The following BIRC6 variants were observed in gnomAD, a reference collection of about 807,000 sequenced individuals.
BIRC6 encodes the protein dual E2 ubiquitin-conjugating enzyme/E3 ubiquitin-protein ligase BIRC6.
Under a neutral mutation model 503.3 loss-of-function variants are expected in BIRC6, and 98 were observed. That is an observed-to-expected ratio of 0.19 (90% confidence interval 0.17 to 0.23). BIRC6 has a LOEUF of 0.23. BIRC6 is among the 10% of genes least tolerant of loss of function. The pLI is 1.00. For missense variants in BIRC6, 5,360 were observed against 5,806.0 expected (o/e 0.92, Z 2.50); for synonymous variants, 2,240 against 2,078.7 (o/e 1.08, Z -2.11).
intron 1 of BIRC6, among the ~76,000 whole-genome samples, chr2:32,358,662 A>G (rs1313906967): frequency 6.6e-6 from 1 of 152,264 alleles, no homozygotes; most frequent in Non-Finnish European, 1.5e-5. Context: ...CTATGTGAGT[A>G]ATAAGGCATT....
chr2:32,489,566 C>T (rs2149313178), intron 42 of BIRC6, among the ~76,000 whole-genome samples: 1 of 152,170 alleles, frequency 6.6e-6, no homozygotes, highest in South Asian at 2.1e-4. Flanking sequence ...AAAACCAGCA[C>T]TTTGAGAGGC....
intron 65 of BIRC6, among the ~76,000 whole-genome samples, chr2:32,560,847 A>G (rs527456609): frequency 2.0e-5 from 3 of 151,334 alleles, no homozygotes; most frequent in African/African-American, 7.3e-5. Flanking sequence ...GGGATTGCAT[A>G]CATAAGCCAC....
intron 26 of BIRC6, among the ~76,000 whole-genome samples, chr2:32,467,277 A>G (rs928517905): frequency 1.2e-4 from 19 of 152,224 alleles, no homozygotes; most frequent in African/African-American, 4.3e-4. Context: ...GACTAGAGGC[A>G]CTTGCCACTG....
rs536154181 is a variant in BIRC6, at chr2:32,614,570, A to G, written c.14394+2988A>G. Among the ~76,000 whole-genome samples the G allele has an allele frequency of 3.5e-4, 54 of 152,354 alleles. No homozygotes were observed. In the South Asian group the frequency reaches 0.011, roughly 30 times the overall value. ...TGGCCAGGCGCAGTGACTCACGCCT[A>G]TAATCCCAACACTTTGGGAGGCCAA... On this transcript the variant is annotated intron_variant, in intron 73 of 73. Coordinates refer to ENST00000421745, the MANE Select transcript of BIRC6 (RefSeq NM_016252.4).
intron 23 of BIRC6, among the ~76,000 whole-genome samples, chr2:32,462,872 C>G (rs1449548796): frequency 6.6e-6 from 1 of 151,418 alleles, no homozygotes; most frequent in East Asian, 1.9e-4. Context: ...ACAAGAATCT[C>G]TTGAACCCAG....
intron 49 of BIRC6, 55 bp from the exon 50 acceptor site, chr2:32,504,950 C>G (rs937977999): frequency 1.4e-6 from 2 of 1,436,134 alleles, no homozygotes; most frequent in East Asian, 4.9e-5. Flanking sequence ...GATTTTAAAG[C>G]TTTATTATGT....
intron 66 of BIRC6, among the ~76,000 whole-genome samples, chr2:32,578,212 A>C (rs944752068): frequency 5.9e-5 from 9 of 152,152 alleles, no homozygotes; most frequent in Non-Finnish European, 1.2e-4. Flanking sequence ...AGTAAAATCT[A>C]TTCTTTTCCA....
chr2:32,447,179 G>A (rs2046082515), intron 21 of BIRC6, among the ~76,000 whole-genome samples: 1 of 149,788 alleles, frequency 6.7e-6, no homozygotes, highest in African/African-American at 2.5e-5. Flanking sequence ...GCAACCATCC[G>A]ATTTCTCAAT....
intron 23 of BIRC6, among the ~76,000 whole-genome samples, chr2:32,460,096 T>G (rs1166858353): frequency 1.4e-5 from 2 of 147,340 alleles, no homozygotes; most frequent in African/African-American, 4.9e-5. Flanking sequence ...TGTTGTTGAA[T>G]AGAAATGGTA....
intron 66 of BIRC6, among the ~76,000 whole-genome samples, chr2:32,584,650 T>C (rs2060908841): frequency 2.0e-5 from 3 of 152,224 alleles, no homozygotes; most frequent in African/African-American, 4.8e-5. Context: ...AATAATAGTT[T>C]GAATGAAAAT....
rs757913841 is a variant in BIRC6 at position 32,487,794 on chromosome 2, A to T, written c.7961A>T (p.His2654Leu). The T allele has an allele frequency of 6.2e-7, 1 of 1,608,530 alleles. No individual in the cohort carries two copies. The highest frequency in any genetic ancestry group is 1.1e-5 in the South Asian group (1 of 90,930). ...CTTTTTTCCATGCTTCAAGTCCATC[A>T]TGTTCAGGTATGACTTCAGGAGAAA... ...NKLFSMLQVH[H>L]VQLESLLQLW... The change falls in exon 41 of 74, where the codon CAT becomes CTT. Residue 2654 changes from histidine (H) to leucine (L), a missense_variant. Physicochemically the swap from His to Leu is moderately conservative, Grantham distance 99 (BLOSUM62 -3). This residue lies in a region of BIRC6 where 2,299 missense variants were observed against 2,267.2 expected (regional missense o/e 1.01). Transcript: ENST00000421745.
rs753269227 is a variant in BIRC6 at position 32,401,582 on chromosome 2, C to T, written c.1377C>T (p.Asp459=). ...GACCAACTTTGGCGTGGCTGGAGGA[C>T]TCCTCTAGTTGCTCAGATATACCAA... ...SRRPTLAWLE[D]SSSCSDIPKL... Residue 459 remains aspartate (D), a synonymous_variant, in exon 8 of 74, where the codon GAC becomes GAT. Transcript: ENST00000421745. The T allele has an allele frequency of 1.2e-6, 2 of 1,613,962 alleles. No homozygotes were observed. The highest frequency in any genetic ancestry group is 1.1e-5 in the South Asian group (1 of 91,080).
chr2:32,479,855 A>G (rs1241833080), intron 37 of BIRC6, among the ~76,000 whole-genome samples: 2 of 152,224 alleles, frequency 1.3e-5, no homozygotes, highest in Non-Finnish European at 2.9e-5. Flanking sequence ...GCAACGATGA[A>G]GAAAATGCAA....
intron 38 of BIRC6, among the ~76,000 whole-genome samples, chr2:32,481,944 GAATAGTATAAAGAA>G (rs1448791506): frequency 6.6e-6 from 1 of 152,030 alleles, no homozygotes; most frequent in African/African-American, 2.4e-5. Flanking sequence ...ACAATCAATG[GAATAGTATAAAGAA>G]AACTTACATT....
At chr2:32,505,283 A>C (rs1416603840) in intron 50 of BIRC6, 78 bp downstream of exon 50, 2 of 1,244,108 alleles carry the variant, frequency 1.6e-6, no homozygotes, top group South Asian at 2.7e-5. Context: ...ATGTTTAGTA[A>C]GCGGAAATAC....
At position 32,392,027 on chromosome 2, in the gene BIRC6, G is replaced by A; in HGVS notation, c.840-12G>A. The A allele has an allele frequency of 2.0e-6, 3 of 1,472,496 alleles. No homozygotes were observed. Among genetic ancestry groups the A allele is most frequent in the Non-Finnish European group, 2.8e-6 (3 of 1,077,250 alleles). 91.2% of individuals were successfully genotyped at this position (1,472,496 alleles called of 1,614,324 possible). ...GCCTAACTTCAATTACATAAAGTAT[G>A]TTTACTTTTAGATCACTGATGTATA... On this transcript the variant is annotated splice_polypyrimidine_tract_variant and intron_variant, in intron 4 of 73. Coordinates refer to ENST00000421745, the MANE Select transcript of BIRC6 (RefSeq NM_016252.4).
intron 73 of BIRC6, among the ~76,000 whole-genome samples, chr2:32,616,889 G>T (rs953230462): frequency 1.3e-5 from 2 of 151,288 alleles, no homozygotes; most frequent in African/African-American, 4.9e-5. Context: ...TGGATCGCTT[G>T]GACCAGGAGT....
At chr2:32,571,144 T>C (rs1005372129) in intron 65 of BIRC6, among the ~76,000 whole-genome samples, 3 of 152,028 alleles carry the variant, frequency 2.0e-5, no homozygotes, top group African/African-American at 4.8e-5. Flanking sequence ...TTGGATTTGA[T>C]TTACTTGTTT....
intron 61 of BIRC6, among the ~76,000 whole-genome samples, chr2:32,533,618 G>T (rs1270403054): frequency 6.6e-6 from 1 of 152,154 alleles, no homozygotes; most frequent in Non-Finnish European, 1.5e-5. Context: ...AGAGTATTCA[G>T]TCACATAGAG....
Sources: gnomAD v4.1 joint callset for allele counts (sites outside exome capture counted in the v4.1 genomes callset) on GRCh38, gnomAD v4.1.1 for gene constraint, gnomAD v4.1.1 regional missense constraint, MANE v1.5 for transcripts, NCBI Gene and HGNC (gene_info 2026-07-23, HGNC 2026-07-21) for gene names.